FAM110B: variants seen among roughly 807,000 people sequenced by gnomAD.
The protein encoded by FAM110B is protein FAM110B.
In FAM110B, 6 loss-of-function variants were observed where a neutral mutation model predicts 20.4. That is an observed-to-expected ratio of 0.29 (90% CI 0.16 to 0.58). The LOEUF (loss-of-function observed/expected upper bound fraction) is 0.58, where lower values mean the gene tolerates loss of function less well. Ranked by LOEUF, FAM110B falls within the 20% of genes least tolerant of loss-of-function variation. FAM110B has a pLI of 0.90. For missense variants in FAM110B, 434 were observed against 498.2 expected (o/e 0.87, Z 1.23); for synonymous variants, 226 against 214.1 (o/e 1.06, Z -0.49).
chr8:58,043,678 T>A (rs1415967535), intron 2 of FAM110B, among the ~76,000 whole-genome samples: 2 of 152,118 alleles, frequency 1.3e-5, no homozygotes, highest in Admixed American at 6.5e-5. Context: ...TCTGCTTTGA[T>A]TTTTTTACCT....
At chr8:58,010,126 C>T (rs1323759329) in intron 1 of FAM110B, among the ~76,000 whole-genome samples, 5 of 151,870 alleles carry the variant, frequency 3.3e-5, no homozygotes, top group Non-Finnish European at 5.9e-5. Flanking sequence ...AAGTGATCCT[C>T]GTGCCTCAGC....
intron 3 of FAM110B, among the ~76,000 whole-genome samples, chr8:58,108,373 G>C (rs562801826): frequency 1.3e-5 from 2 of 152,196 alleles, no homozygotes; most frequent in Non-Finnish European, 2.9e-5. Flanking sequence ...CAGCATTGAC[G>C]TGGGTGACAC....
chr8:58,067,617 G>A (rs1169237469), intron 2 of FAM110B, among the ~76,000 whole-genome samples: 2 of 152,182 alleles, frequency 1.3e-5, no homozygotes, highest in African/African-American at 4.8e-5. Flanking sequence ...GTGCTGAGCT[G>A]CAGTTTACCT....
At chr8:58,050,414 T>G (rs558170232) in intron 2 of FAM110B, among the ~76,000 whole-genome samples, 177 of 152,280 alleles carry the variant, frequency 1.2e-3, no homozygotes, top group African/African-American at 4.1e-3. Flanking sequence ...TCAGCAGGGT[T>G]CTCTGTCAGG....
At chr8:58,036,081 C>A (rs1805069273) in intron 2 of FAM110B, among the ~76,000 whole-genome samples, 1 of 152,152 alleles carries the variant, frequency 6.6e-6, no homozygotes, top group South Asian at 2.1e-4. Context: ...TTCCTGTAGA[C>A]CCTTATATCA....
intron 2 of FAM110B, among the ~76,000 whole-genome samples, chr8:58,048,978 G>A (rs761537392): frequency 2.0e-5 from 3 of 152,174 alleles, no homozygotes; most frequent in Non-Finnish European, 4.4e-5. Flanking sequence ...GAGTAATACC[G>A]ATTGAGATTT....
chr8:58,088,134 A>T lies in FAM110B; in HGVS notation c.-325+12511A>T, dbSNP rs200415276. On this transcript the variant is annotated intron_variant, in intron 3 of 3. Transcript: ENST00000519262. Reference sequence around the variant, plus strand: ...AAAATTTATTTTGATAGTAGTTTTAAGTAACACACAGACTATCAAAATGTA... The same window carrying T: ...AAAATTTATTTTGATAGTAGTTTTATGTAACACACAGACTATCAAAATGTA... Among the ~76,000 whole-genome samples the T allele has an allele frequency of 1.1e-4, 17 of 152,366 alleles. No individual in the cohort carries two copies. In the East Asian group the frequency reaches 3.1e-3, roughly 28 times the overall value.
In FAM110B at chr8:58,076,829, A is replaced by G. The variant is rs201495926; in HGVS notation, c.-325+1206A>G. On this transcript the variant is annotated intron_variant, in intron 3 of 3. Coordinates refer to ENST00000519262, the MANE Select transcript of FAM110B (RefSeq NM_001377989.1). ...GTGGCCCCATGCTTGGATTTGATTG[A>G]CAGCCTTCCTCTAGCTTCCTTTCTA... is the stretch of plus-strand genomic sequence containing the variant. 1.1e-4 allele frequency among the ~76,000 whole-genome samples: 17 copies of G among 152,302 alleles called. No homozygotes were observed. In the East Asian group the frequency reaches 1.9e-3, roughly 17 times the overall value.
intron 1 of FAM110B, among the ~76,000 whole-genome samples, chr8:58,006,830 C>A (rs183251717): frequency 6.7e-6 from 1 of 148,390 alleles, no homozygotes; most frequent in East Asian, 2.0e-4. Flanking sequence ...TCAGGTGATC[C>A]GCCCACCTCA....
intron 3 of FAM110B, among the ~76,000 whole-genome samples, chr8:58,115,603 A>G (rs1807187685): frequency 6.6e-6 from 1 of 152,108 alleles, no homozygotes; most frequent in Admixed American, 6.5e-5. Context: ...CATGTTGGCC[A>G]TGCTGGTCTC....
intron 3 of FAM110B, among the ~76,000 whole-genome samples, chr8:58,125,952 C>T (rs1193457308): frequency 6.6e-6 from 1 of 152,122 alleles, no homozygotes; most frequent in Non-Finnish European, 1.5e-5. Context: ...CAGTATCAAA[C>T]CAGGAAGTTG....
chr8:58,116,791 G>A (rs1476575927), intron 3 of FAM110B, among the ~76,000 whole-genome samples: 3 of 152,090 alleles, frequency 2.0e-5, no homozygotes, highest in African/African-American at 7.2e-5. Context: ...TTAAAAAAAA[G>A]ACAAGTAAAT....
At chr8:58,111,802 A>ATG (rs1298939655) in intron 3 of FAM110B, among the ~76,000 whole-genome samples, 1 of 152,152 alleles carries the variant, frequency 6.6e-6, no homozygotes, top group Non-Finnish European at 1.5e-5. Context: ...CGAAGAATTA[A>ATG]TGCTGTATTC....
At position 58,147,178 on chromosome 8, in the gene FAM110B, A is replaced by G. The variant is rs1803887969; in HGVS notation, c.948A>G (p.Ser316=). 6.2e-7 allele frequency: 1 copy of G among 1,614,040 alleles called. No homozygotes were observed. The stretch of plus-strand genomic sequence containing the variant: ...TCCGCAGCGCAAGCATGATCAGCTC[A>G]GACTGTGAACAGTCTCAGGACAGTA... The part of the protein sequence containing the change: ...LNFRSASMIS[S]DCEQSQDSNS... The change falls in exon 4 of 4, where the codon TCA becomes TCG. Residue 316 remains serine, a synonymous_variant. Coordinates refer to ENST00000519262, the MANE Select transcript of FAM110B (RefSeq NM_001377989.1).
chr8:58,015,862 A>T (rs1216701963), intron 1 of FAM110B, among the ~76,000 whole-genome samples: 4 of 150,764 alleles, frequency 2.7e-5, no homozygotes, highest in African/African-American at 9.8e-5. Context: ...AAAAAAAAAG[A>T]AAAAGAAAAA....
chr8:58,117,685 T>C (rs1266366905), intron 3 of FAM110B, among the ~76,000 whole-genome samples: 1 of 152,200 alleles, frequency 6.6e-6, no homozygotes, highest in African/African-American at 2.4e-5. Flanking sequence ...AGAGTTAATA[T>C]GTTCGTATTT....
At chr8:58,039,209 T>C (rs1030578942) in intron 2 of FAM110B, among the ~76,000 whole-genome samples, 2 of 152,176 alleles carry the variant, frequency 1.3e-5, no homozygotes, top group African/African-American at 4.8e-5. Flanking sequence ...CCCAGAGTCA[T>C]TGTCATTCTC....
chr8:58,148,698 G>C lies in FAM110B; in HGVS notation c.*1355G>C. 1 of 167,196 alleles carries C rather than the reference G, an allele frequency of 6.0e-6. No homozygotes were observed. 10.4% of individuals were successfully genotyped at this position (167,196 alleles called of 1,614,324 possible). ...GGAAACTTTTTATGGTGTAAATGCT[G>C]TAAGACTTTGTACATACTTCAGTTG... is the stretch of plus-strand genomic sequence containing the variant. On this transcript the variant is annotated 3_prime_UTR_variant, in exon 4 of 4. Transcript: ENST00000519262.
At chr8:58,138,686 G>C (rs1803677230) in intron 3 of FAM110B, among the ~76,000 whole-genome samples, 1 of 152,170 alleles carries the variant, frequency 6.6e-6, no homozygotes, top group Admixed American at 6.5e-5. Context: ...TGAAACCTTT[G>C]TGGGTAACAA....
Sources: allele counts gnomAD v4.1 joint callset (sites outside exome capture counted in the v4.1 genomes callset), GRCh38; gene constraint gnomAD v4.1.1; transcripts MANE v1.5; gene names NCBI Gene and HGNC (gene_info 2026-07-23, HGNC 2026-07-21).